The following PTER variants were observed in gnomAD, a reference collection of about 807,000 sequenced individuals.
PTER encodes phosphotriesterase related.
Under a neutral mutation model 29.6 loss-of-function variants are expected in PTER, and 38 were observed. That is an observed-to-expected ratio of 1.28 (90% confidence interval 0.99 to 1.68). The LOEUF is 1.68. Among genes scored for constraint, PTER ranks in the 40% most tolerant of loss-of-function variants. The pLI is 0.00. For missense variants in PTER, 482 were observed against 427.8 expected, an observed-to-expected ratio of 1.13 and a Z score of -1.12; for synonymous variants, 172 against 154.5, an observed-to-expected ratio of 1.11 and a Z score of -0.84.
At chr10:16,506,869 C>G (rs185952896) in intron 4 of PTER, among the ~76,000 whole-genome samples, 1 of 151,920 alleles carries the variant, frequency 6.6e-6, no homozygotes, top group Non-Finnish European at 1.5e-5. Context: ...GTGTTATGTG[C>G]GAGACCTAGT....
intron 1 of PTER, among the ~76,000 whole-genome samples, chr10:16,465,791 G>A (rs1026383363): frequency 2.0e-5 from 3 of 152,118 alleles, no homozygotes; most frequent in African/African-American, 7.2e-5. Flanking sequence ...GTTCTGCCTG[G>A]CTGGGGAGGC....
intron 1 of PTER, among the ~76,000 whole-genome samples, chr10:16,460,349 C>G (rs900910727): frequency 2.0e-5 from 3 of 152,096 alleles, no homozygotes; most frequent in Non-Finnish European, 2.9e-5. Context: ...AAACATTGGA[C>G]AAGTTGAGAG....
At chr10:16,463,696 G>A (rs1019249665) in intron 1 of PTER, among the ~76,000 whole-genome samples, 55 of 152,316 alleles carry the variant, frequency 3.6e-4, no homozygotes, top group African/African-American at 1.2e-3. Flanking sequence ...GATTACAGGC[G>A]TGAGCCACCA....
intron 3 of PTER, among the ~76,000 whole-genome samples, chr10:16,493,951 A>T (rs1407050679): frequency 6.6e-6 from 1 of 152,192 alleles, no homozygotes; most frequent in South Asian, 2.1e-4. Flanking sequence ...CATGTGCTCT[A>T]TCCAGTACAT....
At chr10:16,437,827 C>T (rs1833705067) in intron 1 of PTER, among the ~76,000 whole-genome samples, 1 of 152,080 alleles carries the variant, frequency 6.6e-6, no homozygotes, top group Non-Finnish European at 1.5e-5. Flanking sequence ...GACTCCACAG[C>T]CAGTGTGCTG....
At chr10:16,450,961 A>G (rs137928888) in intron 1 of PTER, among the ~76,000 whole-genome samples, 259 of 152,306 alleles carry the variant, frequency 1.7e-3, no homozygotes, top group African/African-American at 5.5e-3. Context: ...TATTAGAAGT[A>G]GAGTACTTAG....
chr10:16,463,062 A>G (rs1418396044), intron 1 of PTER, among the ~76,000 whole-genome samples: 1 of 151,838 alleles, frequency 6.6e-6, no homozygotes, highest in African/African-American at 2.4e-5. Flanking sequence ...GCTTGACGGC[A>G]GGCACCTGTA....
At chr10:16,479,010 G>A (rs1002530605) in intron 1 of PTER, among the ~76,000 whole-genome samples, 1 of 151,734 alleles carries the variant, frequency 6.6e-6, no homozygotes, top group Admixed American at 6.6e-5. Context: ...TCCTGGGTTC[G>A]TCACTGCCAT....
At chr10:16,466,017 G>T (rs1834799679) in intron 1 of PTER, among the ~76,000 whole-genome samples, 1 of 152,116 alleles carries the variant, frequency 6.6e-6, no homozygotes. Flanking sequence ...GGATTATGGG[G>T]ATTACAATTT....
chr10:16,501,505 G>C (rs552215767), intron 3 of PTER, among the ~76,000 whole-genome samples: 12 of 151,952 alleles, frequency 7.9e-5, no homozygotes, highest in Non-Finnish European at 1.6e-4. Context: ...ACTATATATA[G>C]TTACCCTCTG....
intron 4 of PTER, among the ~76,000 whole-genome samples, chr10:16,507,201 C>CATATATATATATATATATATAT (rs55959560): frequency 7.1e-4 from 100 of 140,400 alleles, no homozygotes; most frequent in African/African-American, 2.3e-3. Flanking sequence ...GTGGGTGGAG[C>CATATATATATATATATATATAT]ATATATATAT....
chr10:16,514,355 T>C, downstream of PTER: 1 of 597,548 alleles, frequency 1.7e-6, no homozygotes, highest in Middle Eastern at 4.4e-4. Flanking sequence ...TTTGATATTT[T>C]TTACATAATG....
intron 3 of PTER, among the ~76,000 whole-genome samples, chr10:16,500,398 C>T (rs1564408157): frequency 6.6e-6 from 1 of 151,918 alleles, no homozygotes; most frequent in East Asian, 2.0e-4. Flanking sequence ...CACAGGCACA[C>T]ACCACCACAC....
At position 16,493,431 on chromosome 10, in the gene PTER, T is replaced by C. The variant is rs559150923; in HGVS notation, c.698+6814T>C. ...TTCTTTTATTCTTAAAAACAATTTT[T>C]TTTTTAAATTTTTAAGAGTAAAAGA... On this transcript the variant is annotated intron_variant, in intron 3 of 4. Coordinates refer to ENST00000535784, the MANE Select transcript of PTER (RefSeq NM_001261836.2). 2.6e-5 allele frequency among the ~76,000 whole-genome samples: 4 copies of C among 151,144 alleles called. No individual in the cohort carries two copies. In the East Asian group the frequency reaches 7.7e-4, roughly 29 times the overall value.
At chr10:16,498,409 C>T (rs903285886) in intron 3 of PTER, among the ~76,000 whole-genome samples, 1 of 152,152 alleles carries the variant, frequency 6.6e-6, no homozygotes, top group Non-Finnish European at 1.5e-5. Context: ...CATGGCGAAA[C>T]CCTATCTCTA....
intron 3 of PTER, among the ~76,000 whole-genome samples, chr10:16,493,516 T>A (rs1835980649): frequency 6.6e-6 from 1 of 152,180 alleles, no homozygotes; most frequent in African/African-American, 2.4e-5. Context: ...GTGATCCTCC[T>A]GCCTTGGCCT....
chr10:16,481,745 T>C (rs1423973659), intron 1 of PTER, among the ~76,000 whole-genome samples: 1 of 152,216 alleles, frequency 6.6e-6, no homozygotes, highest in Non-Finnish European at 1.5e-5. Flanking sequence ...TTGGTACTTT[T>C]CTAGCAAAAG....
At chr10:16,488,811 C>T (rs1290280987) in intron 3 of PTER, among the ~76,000 whole-genome samples, 1 of 152,138 alleles carries the variant, frequency 6.6e-6, no homozygotes, top group African/African-American at 2.4e-5. Context: ...GCCCTGTTGC[C>T]GAGGCTGGTC....
intron 1 of PTER, among the ~76,000 whole-genome samples, chr10:16,467,529 C>T (rs1246120308): frequency 2.0e-5 from 3 of 152,204 alleles, no homozygotes; most frequent in African/African-American, 7.2e-5. Context: ...AGCACATTTG[C>T]TGCCGGGCTC....
Sources: gnomAD v4.1 joint callset for allele counts (sites outside exome capture counted in the v4.1 genomes callset) on GRCh38, gnomAD v4.1.1 for gene constraint, MANE v1.5 for transcripts, NCBI Gene and HGNC (gene_info 2026-07-23, HGNC 2026-07-21) for gene names.